The following LAMB3 variants were observed in gnomAD, a reference collection of about 807,000 sequenced individuals.
LAMB3 encodes the protein laminin subunit beta-3.
LAMB3 carries 104 observed loss-of-function variants against 140.3 expected under a neutral mutation model. The observed-to-expected ratio is 0.74, with a 90% CI of 0.63 to 0.87. The LOEUF is 0.87. LAMB3 is among the 40% of genes least tolerant of loss of function. LAMB3 has a pLI of 0.00. For synonymous variants in LAMB3, 592 were observed against 602.9 expected, an observed-to-expected ratio of 0.98 and a Z score of 0.26; for missense variants, 1,531 against 1,575.2, an observed-to-expected ratio of 0.97 and a Z score of 0.47.
chr1:209,628,679 A>AGGGATGG (rs202181944), intron 10 of LAMB3, among the ~76,000 whole-genome samples: 2,117 of 152,114 alleles, frequency 0.014, 32 homozygotes, highest in African/African-American at 0.035. Context: ...CTGGGCAACA[A>AGGGATGG]GAGCGAAACC....
At chr1:209,630,267 G>A (rs949519338) in intron 9 of LAMB3, among the ~76,000 whole-genome samples, 24 of 152,146 alleles carry the variant, frequency 1.6e-4, no homozygotes, top group Non-Finnish European at 8.8e-5. Context: ...CTGTCTCCAG[G>A]ATGAGAATCT....
chr1:209,646,612 C>T (rs1180947684), intron 3 of LAMB3, among the ~76,000 whole-genome samples: 1 of 152,148 alleles, frequency 6.6e-6, no homozygotes, highest in Non-Finnish European at 1.5e-5. Flanking sequence ...GGAGGGCAGC[C>T]CAGGGATGGG....
At position 209,629,750 on chromosome 1, in the gene LAMB3, C is replaced by T. The variant is rs769838988; in HGVS notation, c.1119G>A (p.Gln373=). Residue 373 remains glutamine (Q), a synonymous_variant, in exon 10 of 23, where the codon CAG becomes CAA. Coordinates refer to ENST00000356082, the MANE Select transcript of LAMB3 (RefSeq NM_000228.3). ...FRNRRPGASI[Q]ETCISCECDP... Reference sequence around the variant, plus strand: ...GCCTCTACTCACAGATGCAGGTCTCCTGAATGGAAGCTCCCGGGCGCCGGT... The same window carrying T: ...GCCTCTACTCACAGATGCAGGTCTCTTGAATGGAAGCTCCCGGGCGCCGGT... 7 of 1,614,198 alleles carry T rather than the reference C, an allele frequency of 4.3e-6. No individual in the cohort carries two copies. The Middle Eastern group carries it at 4.9e-4, about 114-fold the overall frequency.
Position 209,632,158 on chromosome 1 carries a change from A to T in LAMB3, c.822+425T>A, listed in dbSNP as rs1666714344. ...GCCCCATATCTCACCACTAGCTGAG[A>T]CTTTAAAATCCCCAAACCAGTGGCT... On this transcript the variant is annotated intron_variant, in intron 8 of 22. Coordinates refer to ENST00000356082, the MANE Select transcript of LAMB3 (RefSeq NM_000228.3). Among the ~76,000 whole-genome samples the T allele has an allele frequency of 4.6e-5, 7 of 152,202 alleles. 1 individual carries two copies. The highest frequency in any genetic ancestry group is 4.6e-4 in the Admixed American group (7 of 15,276).
Position 209,623,768 on chromosome 1 carries a change from G to A in LAMB3, c.2138-43C>T, listed in dbSNP as rs1181117441. The A allele has an allele frequency of 6.2e-7, 1 of 1,613,564 alleles. No individual in the cohort carries two copies. Among genetic ancestry groups the A allele is most frequent in the South Asian group, 1.1e-5 (1 of 91,068 alleles). ...AGGAATGGAGATGGAGGAGGAGCAG[G>A]AGGGAGAGGGGGTGGCATGCCCACC... On this transcript the variant is annotated intron_variant, in intron 15 of 22. Transcript: ENST00000356082. This position sits in a 1 kb window ranked among gnomAD's most constrained non-coding sequence, Gnocchi z 4.2.
At position 209,623,072 on chromosome 1, in the gene LAMB3, A is replaced by G. The variant is rs1170856370; in HGVS notation, c.2466T>C (p.Leu822=). 1 of 1,614,094 alleles carries G rather than the reference A, an allele frequency of 6.2e-7. No individual in the cohort carries two copies. The highest frequency in any genetic ancestry group is 1.7e-5 in the Admixed American group (1 of 60,006). Residue 822 remains leucine, a synonymous_variant, in exon 17 of 23, where the codon CTT becomes CTC. Transcript: ENST00000356082. The surrounding 1 kb of genome is among the most constrained non-coding windows in gnomAD (Gnocchi z 4.2). ...TACGSRCRGV[L]PRAGGAFLMA... ...TCAAGAAGGCCCCACCGGCCCTGGG[A>G]AGGACACCCCTGCAGCGGGAGCCAC...
At chr1:209,650,163 G>A in intron 2 of LAMB3, 45 bp from the exon 3 acceptor site, 1 of 1,574,556 alleles carries the variant, frequency 6.4e-7, no homozygotes, top group South Asian at 1.1e-5. Context: ...GAAAAAAAGG[G>A]ACCTCACTGG....
At chr1:209,647,948 A>C (rs1168960149) in intron 3 of LAMB3, among the ~76,000 whole-genome samples, 1 of 152,214 alleles carries the variant, frequency 6.6e-6, no homozygotes, top group Non-Finnish European at 1.5e-5. Context: ...TTAATAACAA[A>C]ATAAACAAAA....
rs140858189 is a variant in LAMB3, at chr1:209,650,245, G to A, written c.29-127C>T. 30 of 906,696 alleles carry A rather than the reference G, an allele frequency of 3.3e-5. 1 individual carries two copies. The Admixed American group carries it at 3.9e-4, about 12-fold the overall frequency. The allele number at this position is 906,696 out of a possible 1,614,324, so 56.2% of individuals were successfully genotyped here. ...CTTTCCCTCACTCAAGCTTCCACTC[G>A]CTGCTGGCAGTAATAATTGCAGTAT... On this transcript the variant is annotated intron_variant, in intron 2 of 22. Coordinates refer to ENST00000356082, the MANE Select transcript of LAMB3 (RefSeq NM_000228.3).
At chr1:209,643,225 T>A (rs554279413) in intron 3 of LAMB3, among the ~76,000 whole-genome samples, 2 of 152,234 alleles carry the variant, frequency 1.3e-5, no homozygotes, top group Non-Finnish European at 2.9e-5. Context: ...TTTATTCTTG[T>A]ATGCTTATAT....
At chr1:209,647,281 CA>C (rs1419894498) in intron 3 of LAMB3, among the ~76,000 whole-genome samples, 6 of 152,200 alleles carry the variant, frequency 3.9e-5, no homozygotes, top group Non-Finnish European at 5.9e-5. Flanking sequence ...GACTGGTCCA[CA>C]AAAAGGAAGC....
Position 209,618,536 on chromosome 1 carries a change from A to G in LAMB3, c.2825T>C (p.Leu942Pro). 6.2e-7 allele frequency: 1 copy of G among 1,614,264 alleles called. No individual in the cohort carries two copies. Among genetic ancestry groups the G allele is most frequent in the Non-Finnish European group, 8.5e-7 (1 of 1,180,046 alleles). Residue 942 changes from leucine to proline, a missense_variant, in exon 19 of 23, where the codon CTC (leucine) becomes CCC (proline). Coordinates refer to ENST00000356082, the MANE Select transcript of LAMB3 (RefSeq NM_000228.3). Reference protein sequence around the residue: ...MNEIQAIAARLPNVDLVLSQT... With the variant: ...MNEIQAIAARPPNVDLVLSQT... ...GGACAGCACCAAGTCCACGTTGGGG[A>G]GCCTGGCTGCAATGGCCTGGATCTC...
At position 209,627,413 on chromosome 1, in the gene LAMB3, C is replaced by T. The variant is rs1033335294; in HGVS notation, c.1455G>A (p.Pro485=). 6 of 1,613,516 alleles carry T rather than the reference C, an allele frequency of 3.7e-6. No individual in the cohort carries two copies. Among genetic ancestry groups the T allele is most frequent in the South Asian group, 2.2e-5 (2 of 91,084 alleles). Residue 485 remains proline, a synonymous_variant, in exon 12 of 23, where the codon CCG becomes CCA. Coordinates refer to ENST00000356082, the MANE Select transcript of LAMB3 (RefSeq NM_000228.3). ...GQGCEPCACD[P]HNSLSPQCNQ... ...TGCACTGTGGGCTGAGGGAGTTGTG[C>T]GGGTCGCAGGCACACGGTTCACAGC...
At position 209,615,371 on chromosome 1, in the gene LAMB3, A is replaced by G; in HGVS notation, c.3419T>C (p.Ile1140Thr). 6.2e-7 allele frequency: 1 copy of G among 1,611,482 alleles called. No homozygotes were observed. The highest frequency in any genetic ancestry group is 8.5e-7 in the Non-Finnish European group (1 of 1,178,344). Residue 1140 changes from isoleucine to threonine, a missense_variant, in exon 23 of 23, where the codon ATC (isoleucine) becomes ACC (threonine). By Grantham distance (89) the Ile-to-Thr change is moderately conservative. Coordinates refer to ENST00000356082, the MANE Select transcript of LAMB3 (RefSeq NM_000228.3). ...TGTCAGGTCCGCTGAGCGCAGCATG[A>G]TGGCCTGGCTGCCCCGCAGCAGCTC... ...ELELLRGSQA[I>T]MLRSADLTGL...
intron 18 of LAMB3, among the ~76,000 whole-genome samples, chr1:209,621,352 GCCT>G (rs1203199753): frequency 6.6e-6 from 1 of 152,174 alleles, no homozygotes; most frequent in African/African-American, 2.4e-5. Flanking sequence ...CCAGGTGAGT[GCCT>G]CAAGGCCTTA....
chr1:209,624,836 C>A (rs563990621), intron 14 of LAMB3, among the ~76,000 whole-genome samples: 7 of 145,612 alleles, frequency 4.8e-5, no homozygotes, highest in African/African-American at 1.8e-4. Context: ...ATGCTTGTTT[C>A]ATCATAGATG....
chr1:209,623,016 C>T lies in LAMB3; in HGVS notation c.2522G>A (p.Gly841Asp). ...GGTCCGCTGGAGCTGGGCATTGAAG[C>T]CCCGCAGCTGCTCAGCCACCTGCCC... ...MAGQVAEQLR[G>D]FNAQLQRTRQ... Residue 841 changes from glycine (G) to aspartate (D), a missense_variant, in exon 17 of 23, where the codon GGC becomes GAC. Gly to Asp is a moderately conservative substitution (Grantham distance 94, BLOSUM62 -1). Transcript: ENST00000356082. The surrounding 1 kb of genome is among the most constrained non-coding windows in gnomAD (Gnocchi z 4.2). 1 of 1,613,786 alleles carries T rather than the reference C, an allele frequency of 6.2e-7. No individual in the cohort carries two copies. The highest frequency in any genetic ancestry group is 8.5e-7 in the Non-Finnish European group (1 of 1,180,012).
intron 3 of LAMB3, 87 bp from the exon 4 acceptor site, chr1:209,638,735 T>C: frequency 1.2e-6 from 1 of 802,932 alleles, no homozygotes. Context: ...ATATCTCCTC[T>C]GTGGAAATCC....
intron 4 of LAMB3, 65 bp downstream of exon 4, chr1:209,638,469 C>A (rs552202367): frequency 3.8e-6 from 4 of 1,064,142 alleles, no homozygotes; most frequent in South Asian, 1.2e-5. Flanking sequence ...TTATAGGGCA[C>A]CTTCCATCCG....
Sources: allele counts gnomAD v4.1 joint callset (sites outside exome capture counted in the v4.1 genomes callset), GRCh38; gene constraint gnomAD v4.1.1; non-coding constraint Gnocchi (gnomAD v3.1); transcripts MANE v1.5; gene names NCBI Gene and HGNC (gene_info 2026-07-23, HGNC 2026-07-21).